Variants in RASGRP3 observed in about 807,000 individuals in gnomAD.
RASGRP3 encodes RAS guanyl releasing protein 3, also known as ras guanyl-releasing protein 3.
A neutral mutation model predicts 82.7 loss-of-function variants in RASGRP3; 54 were observed. The ratio of observed to expected loss-of-function variants is 0.65; its 90% CI spans 0.52 to 0.82. RASGRP3 has a LOEUF of 0.82. Among genes scored for constraint, RASGRP3 ranks in the 40% least tolerant of loss-of-function variants. The pLI is 0.00. For synonymous variants in RASGRP3, 309 were observed against 300.5 expected (o/e 1.03, Z -0.29); for missense variants, 861 against 828.9 (o/e 1.04, Z -0.48).
intron 2 of RASGRP3, among the ~76,000 whole-genome samples, chr2:33,513,662 C>G (rs1489796100): frequency 1.3e-5 from 2 of 152,184 alleles, no homozygotes; most frequent in Admixed American, 6.5e-5. Context: ...CCTATGGGGA[C>G]CTGGCATCAA....
At chr2:33,520,762 C>G (rs1263217493) in intron 6 of RASGRP3, 78 bp downstream of exon 6, 45 of 1,560,572 alleles carry the variant, frequency 2.9e-5, no homozygotes, top group Non-Finnish European at 3.7e-5. Context: ...CCCACTTGTT[C>G]TGAGTCCATC....
At chr2:33,555,219 G>A (rs567316757) in intron 14 of RASGRP3, 1 of 218,728 alleles carries the variant, frequency 4.6e-6, no homozygotes, top group African/African-American at 2.3e-5. Context: ...CAAAGACCAA[G>A]TGGCCATCTC....
intron 6 of RASGRP3, among the ~76,000 whole-genome samples, chr2:33,521,267 G>A (rs894010064): frequency 5.9e-5 from 9 of 152,112 alleles, no homozygotes; most frequent in Non-Finnish European, 1.2e-4. Flanking sequence ...TTAGGTAACC[G>A]GTGCAATTAG....
intron 17 of RASGRP3, among the ~76,000 whole-genome samples, chr2:33,559,849 C>T (rs1574511851): frequency 6.6e-6 from 1 of 152,288 alleles, no homozygotes; most frequent in East Asian, 1.9e-4. Flanking sequence ...CCACATTCCA[C>T]TCTTCAGGAG....
intron 2 of RASGRP3, among the ~76,000 whole-genome samples, chr2:33,461,347 C>G (rs1173823952): frequency 6.6e-6 from 1 of 152,204 alleles, no homozygotes; most frequent in Non-Finnish European, 1.5e-5. Flanking sequence ...GGCACGATCT[C>G]TATTTACTGC....
chr2:33,544,229 G>T (rs1362791518), intron 13 of RASGRP3, among the ~76,000 whole-genome samples: 1 of 152,092 alleles, frequency 6.6e-6, no homozygotes, highest in African/African-American at 2.4e-5. Flanking sequence ...CGGGAGAATT[G>T]CTTGAGCCTG....
rs1052090474 is a variant in RASGRP3, at chr2:33,444,094, G to A, written c.-384-3726G>A. On this transcript the variant is annotated intron_variant, in intron 1 of 18. Coordinates refer to the RASGRP3 transcript ENST00000402538. ...AAGGTGGGAGGATTGCTTGAGGTCA[G>A]GATTTCAAGAACAGCCTGGGCAGCA... is the stretch of plus-strand genomic sequence containing the variant. 3.3e-5 allele frequency among the ~76,000 whole-genome samples: 5 copies of A among 152,002 alleles called. No individual in the cohort carries two copies. The South Asian group carries it at 1.0e-3, about 32-fold the overall frequency.
intron 1 of RASGRP3, among the ~76,000 whole-genome samples, chr2:33,445,941 G>A (rs900029299): frequency 4.6e-5 from 7 of 151,990 alleles, no homozygotes; most frequent in African/African-American, 1.4e-4. Flanking sequence ...ATTTACCAAC[G>A]AAAAATGAGG....
At position 33,562,772 on chromosome 2, in the gene RASGRP3, G is replaced by C. The variant is rs951168578; in HGVS notation, c.*35G>C. The C allele has an allele frequency of 1.9e-6, 3 of 1,610,340 alleles. No homozygotes were observed. Among genetic ancestry groups the C allele is most frequent in the Non-Finnish European group, 8.5e-7 (1 of 1,176,806 alleles). ...GCGGAAACTGAAGGCAATAATGTTG[G>C]CTTTTGGAAGGGGCAAGACGAGAAA... On this transcript the variant is annotated 3_prime_UTR_variant, in exon 18 of 18. Transcript: ENST00000403687.
At chr2:33,499,943 C>T (rs1669709901) in intron 1 of RASGRP3, among the ~76,000 whole-genome samples, 1 of 151,990 alleles carries the variant, frequency 6.6e-6, no homozygotes, top group African/African-American at 2.4e-5. Context: ...ATTGGAGAGA[C>T]CGACAGAACC....
At chr2:33,476,445 T>C (rs1030685734), upstream of RASGRP3, 26 of 152,172 alleles carry the variant, frequency 1.7e-4, no homozygotes, top group African/African-American at 5.8e-4. Flanking sequence ...GAAAACAAAT[T>C]GTGGAATATC....
chr2:33,452,094 C>A (rs577930370), intron 2 of RASGRP3, among the ~76,000 whole-genome samples: 3 of 152,138 alleles, frequency 2.0e-5, no homozygotes, highest in South Asian at 4.2e-4. Context: ...GGTTTCTATA[C>A]CCTCATCGAA....
At chr2:33,535,558 G>A (rs906125497) in intron 11 of RASGRP3, among the ~76,000 whole-genome samples, 57 of 151,628 alleles carry the variant, frequency 3.8e-4, no homozygotes, top group Admixed American at 6.6e-4. Context: ...AGTGAGAGCC[G>A]TCCTCTGGCC....
chr2:33,457,509 C>T (rs753698369), intron 2 of RASGRP3, among the ~76,000 whole-genome samples: 2 of 152,150 alleles, frequency 1.3e-5, no homozygotes, highest in African/African-American at 4.8e-5. Flanking sequence ...ATGTATACAG[C>T]TTTGAATGAA....
intron 11 of RASGRP3, among the ~76,000 whole-genome samples, chr2:33,538,503 A>AAAAC (rs1673888573): frequency 6.9e-6 from 1 of 145,288 alleles, no homozygotes; most frequent in Non-Finnish European, 1.5e-5. Context: ...ACTCTGTCTC[A>AAAAC]AAATAAATAA....
Position 33,518,304 on chromosome 2 carries a change from A to G in RASGRP3, c.174-1648A>G, listed in dbSNP as rs1394548146. On this transcript the variant is annotated intron_variant, in intron 4 of 17. Coordinates refer to ENST00000403687, the MANE Select transcript of RASGRP3 (RefSeq NM_001139488.2). ...AGGCAACTGTAACACAATGGTGGGT[A>G]TTTGTGTATCTAAACATAGAAAAGG... 2.0e-5 allele frequency among the ~76,000 whole-genome samples: 3 copies of G among 152,184 alleles called. No homozygotes were observed. The East Asian group carries it at 5.8e-4, about 29-fold the overall frequency.
chr2:33,484,433 G>T (rs965049325), intron 1 of RASGRP3, among the ~76,000 whole-genome samples: 2 of 152,144 alleles, frequency 1.3e-5, no homozygotes, highest in African/African-American at 2.4e-5. Flanking sequence ...TTTGAATTCT[G>T]CTCAGCTTTC....
At chr2:33,555,639 A>G (rs1675867836) in intron 15 of RASGRP3, 72 bp downstream of exon 15, 2 of 1,302,186 alleles carry the variant, frequency 1.5e-6, no homozygotes, top group Non-Finnish European at 2.2e-6. Context: ...TGTCTGGTTA[A>G]ACTACAAAAG....
rs375936163 is a variant in RASGRP3, at chr2:33,512,176, C to T, written c.-128+334C>T. ...AGAAACAGATTGTAACCTGATAGCC[C>T]GGCCCACCTGGCCCGTCGTGTGCCA... On this transcript the variant is annotated intron_variant, in intron 2 of 17. Coordinates refer to ENST00000403687, the MANE Select transcript of RASGRP3 (RefSeq NM_001139488.2). 7.2e-5 allele frequency among the ~76,000 whole-genome samples: 11 copies of T among 152,278 alleles called. No homozygotes were observed. In the South Asian group the frequency reaches 8.3e-4, roughly 11 times the overall value.
Sources: allele counts gnomAD v4.1 joint callset (sites outside exome capture counted in the v4.1 genomes callset), GRCh38; gene constraint gnomAD v4.1.1; transcripts MANE v1.5; gene names NCBI Gene and HGNC (gene_info 2026-07-23, HGNC 2026-07-21).